The following FBP1 variants were observed in gnomAD, a reference collection of about 807,000 sequenced individuals.
The protein encoded by FBP1 is fructose-1,6-bisphosphatase 1.
FBP1 carries 22 observed loss-of-function variants against 29.9 expected under a neutral mutation model. That is an observed-to-expected ratio of 0.74 (90% CI 0.53 to 1.05). The LOEUF is 1.05. Ranked by LOEUF, FBP1 falls within the 50% of genes least tolerant of loss-of-function variation. The probability of loss-of-function intolerance (pLI) is 0.00; values close to 1 mark genes in which losing one functional copy is unlikely to be tolerated. For synonymous variants in FBP1, 175 were observed against 178.6 expected, an observed-to-expected ratio of 0.98 and a Z score of 0.16; for missense variants, 345 against 448.2, an observed-to-expected ratio of 0.77 and a Z score of 2.08.
intron 5 of FBP1, among the ~76,000 whole-genome samples, chr9:94,606,063 A>T (rs984918380): frequency 6.6e-6 from 1 of 151,994 alleles, no homozygotes; most frequent in Non-Finnish European, 1.5e-5. Context: ...CAGGAGGGGA[A>T]TCCAGGATAA....
intron 1 of FBP1, among the ~76,000 whole-genome samples, chr9:94,625,539 T>C (rs1200250688): frequency 6.6e-6 from 1 of 151,616 alleles, no homozygotes; most frequent in African/African-American, 2.4e-5. Flanking sequence ...CTCACGCCTG[T>C]AATCCCAGCA....
chr9:94,611,437 A>T (rs146847389), intron 3 of FBP1, among the ~76,000 whole-genome samples: 527 of 152,244 alleles, frequency 3.5e-3, no homozygotes, highest in African/African-American at 0.012. Context: ...CTGCATTAGA[A>T]TCACCTGGGA....
At chr9:94,639,670 C>G (rs1828256657), upstream of FBP1, among the ~76,000 whole-genome samples, 1 of 151,994 alleles carries the variant, frequency 6.6e-6, no homozygotes, top group Non-Finnish European at 1.5e-5. Context: ...TCCCTGCGGT[C>G]TCCCAACCCC....
At chr9:94,619,768 G>T (rs1827916419) in intron 2 of FBP1, among the ~76,000 whole-genome samples, 1 of 151,298 alleles carries the variant, frequency 6.6e-6, no homozygotes, top group African/African-American at 2.4e-5. Context: ...CAGCTACTCA[G>T]GAGGCTGAGG....
chr9:94,637,461 C>T (rs1587869948), intron 1 of FBP1, among the ~76,000 whole-genome samples: 2 of 150,218 alleles, frequency 1.3e-5, no homozygotes, highest in Admixed American at 6.6e-5. Context: ...TGCAATGATG[C>T]GATCTCGGCT....
chr9:94,629,978 GCAGC>G (rs1260259676), intron 1 of FBP1, among the ~76,000 whole-genome samples: 1 of 152,116 alleles, frequency 6.6e-6, no homozygotes, highest in Non-Finnish European at 1.5e-5. Context: ...AACCTTACAG[GCAGC>G]CAGAGGTTTT....
At chr9:94,623,816 C>T (rs540702363) in intron 1 of FBP1, among the ~76,000 whole-genome samples, 189 of 152,272 alleles carry the variant, frequency 1.2e-3, no homozygotes, top group African/African-American at 4.3e-3. Context: ...GATCAGATCC[C>T]GCCCTTGTGG....
At chr9:94,630,072 T>C (rs778212850) in intron 1 of FBP1, among the ~76,000 whole-genome samples, 1 of 152,178 alleles carries the variant, frequency 6.6e-6, no homozygotes, top group African/African-American at 2.4e-5. Flanking sequence ...AACTCTTACA[T>C]AAACATGGCA....
rs937244719 is a variant in FBP1, at chr9:94,603,394, T to G, written c.1004A>C (p.His335Pro). 2.5e-6 allele frequency: 4 copies of G among 1,613,306 alleles called. No individual in the cohort carries two copies. The highest frequency in any genetic ancestry group is 2.7e-5 in the African/African-American group (2 of 74,848). ...CAGGGCAGGTGCTCACTGGGCAGAG[T>G]GCTTCTCATACACCTTCAGGAACTC... Reference protein sequence around the residue: ...VLEFLKVYEKHSAQ With the variant: ...VLEFLKVYEKPSAQ Residue 335 changes from histidine to proline, a missense_variant, in exon 7 of 7, where the codon CAC becomes CCC. Physicochemically the swap from His to Pro is moderately conservative, Grantham distance 77. Coordinates refer to ENST00000375326, the MANE Select transcript of FBP1 (RefSeq NM_000507.4).
At chr9:94,628,545 C>A (rs971839711) in intron 1 of FBP1, among the ~76,000 whole-genome samples, 2 of 152,128 alleles carry the variant, frequency 1.3e-5, no homozygotes, top group Non-Finnish European at 2.9e-5. Context: ...GAACAGGGCA[C>A]CTGCTGAGGC....
chr9:94,611,547 G>C (rs1285101707), intron 3 of FBP1, among the ~76,000 whole-genome samples: 2 of 152,130 alleles, frequency 1.3e-5, no homozygotes, highest in African/African-American at 4.8e-5. Flanking sequence ...GAGGCAAGGA[G>C]TTTGAGACCA....
chr9:94,615,137 T>C (rs1220364706), intron 3 of FBP1, among the ~76,000 whole-genome samples: 1 of 152,184 alleles, frequency 6.6e-6, no homozygotes, highest in Non-Finnish European at 1.5e-5. Flanking sequence ...CGCAATCTCC[T>C]GACCTCGTGA....
At chr9:94,612,412 C>T (rs950628048) in intron 3 of FBP1, among the ~76,000 whole-genome samples, 4 of 152,142 alleles carry the variant, frequency 2.6e-5, no homozygotes, top group African/African-American at 9.7e-5. Flanking sequence ...TCACCAAATG[C>T]TCTACATTTA....
chr9:94,606,229 G>C (rs947907678), intron 5 of FBP1, among the ~76,000 whole-genome samples: 1 of 152,178 alleles, frequency 6.6e-6, no homozygotes, highest in Non-Finnish European at 1.5e-5. Flanking sequence ...TCCATATAGA[G>C]CAAGCTCCAC....
chr9:94,619,874 C>CAAAAAAAAAAAAAAAAAAAAAAA lies in FBP1; in HGVS notation c.333+432_333+454dup, dbSNP rs56722632. 1.9e-4 allele frequency among the ~76,000 whole-genome samples: 19 copies of CAAAAAAAAAAAAAAAAAAAAAAA among 99,168 alleles called. 2 individuals carry two copies. The highest frequency in any genetic ancestry group is 1.1e-3 in the African/African-American group (19 of 17,536). The allele number at this position is 99,168 out of a possible 152,430, so 65.1% of individuals were successfully genotyped here. A position where few individuals can be genotyped will look rare whatever the true frequency, so the allele number is the denominator to read the frequency against. ...GGGCAACAAGAGCAAAACACTGTCT[C>CAAAAAAAAAAAAAAAAAAAAAAA]AAAAAAAAAAAAAAAAAAAAAAAAA... On this transcript the variant is annotated intron_variant, in intron 2 of 6. Transcript: ENST00000375326.
intron 1 of FBP1, among the ~76,000 whole-genome samples, chr9:94,630,458 G>A (rs925874476): frequency 1.3e-5 from 2 of 152,204 alleles, no homozygotes; most frequent in Admixed American, 6.5e-5. Context: ...TAATGGTCAA[G>A]GCCCCAGGCT....
chr9:94,614,192 G>A (rs577406219), intron 3 of FBP1, among the ~76,000 whole-genome samples: 2 of 139,792 alleles, frequency 1.4e-5, no homozygotes, highest in Admixed American at 1.4e-4. Context: ...GGAGGAGCAG[G>A]GGGAGGAGGA....
intron 1 of FBP1, among the ~76,000 whole-genome samples, chr9:94,631,429 G>A (rs1443790919): frequency 6.6e-6 from 1 of 152,200 alleles, no homozygotes. Flanking sequence ...TTTTAGCATT[G>A]TTTTCCAAGT....
chr9:94,620,395 G>A lies in FBP1; in HGVS notation c.267C>T (p.Ser89=). The part of the protein sequence containing the change: ...NDLVMNMLKS[S]FATCVLVSEE... ...CTGACACGAGAACACACGTGGCAAA[G>A]GATGACTTTAACATGTTCATAACCA... Residue 89 remains serine, a synonymous_variant, in exon 2 of 7, where the codon TCC becomes TCT. Transcript: ENST00000375326. The A allele has an allele frequency of 6.2e-7, 1 of 1,614,212 alleles. No homozygotes were observed. The highest frequency in any genetic ancestry group is 8.5e-7 in the Non-Finnish European group (1 of 1,180,040).
Sources: gnomAD v4.1 joint callset for allele counts (sites outside exome capture counted in the v4.1 genomes callset) on GRCh38, gnomAD v4.1.1 for gene constraint, MANE v1.5 for transcripts, NCBI Gene and HGNC (gene_info 2026-07-23, HGNC 2026-07-21) for gene names.